Variants in CDH23 observed in about 807,000 individuals in gnomAD.
CDH23 encodes the protein cadherin-23.
Under a neutral mutation model 317.1 loss-of-function variants are expected in CDH23, and 189 were observed. That is an observed-to-expected ratio of 0.60 (90% CI 0.53 to 0.67). The LOEUF (loss-of-function observed/expected upper bound fraction) is 0.67, where lower values mean the gene tolerates loss of function less well. Among genes scored for constraint, CDH23 ranks in the 30% least tolerant of loss-of-function variants. CDH23 has a pLI of 0.00. For missense variants in CDH23, 4,401 were observed against 4,592.4 expected (o/e 0.96, Z 1.20); for synonymous variants, 1,839 against 1,876.8 (o/e 0.98, Z 0.52).
intron 38 of CDH23, among the ~76,000 whole-genome samples, chr10:71,767,220 G>A (rs74145648): frequency 0.04 from 6,077 of 152,308 alleles, 290 homozygotes; most frequent in African/African-American, 0.1. Flanking sequence ...AGCAGGCCCC[G>A]GGTGACCCCT....
intron 23 of CDH23, 72 bp from the exon 24 acceptor site, chr10:71,702,477 C>G: frequency 1.3e-6 from 2 of 1,587,666 alleles, no homozygotes; most frequent in Non-Finnish European, 1.7e-6. Flanking sequence ...CACCACTTGC[C>G]TTCTTCCTGT....
At chr10:71,579,011 C>T (rs1205894107) in intron 9 of CDH23, among the ~76,000 whole-genome samples, 2 of 152,150 alleles carry the variant, frequency 1.3e-5, no homozygotes, top group Non-Finnish European at 2.9e-5. Context: ...CCCTGTCCCT[C>T]AATTTGCCTG....
intron 24 of CDH23, among the ~76,000 whole-genome samples, chr10:71,703,373 T>A (rs1865663352): frequency 6.6e-6 from 1 of 152,210 alleles, no homozygotes; most frequent in Non-Finnish European, 1.5e-5. Context: ...GAATCCCATC[T>A]CCAGCACCAG....
chr10:71,528,440 G>C (rs527569729), intron 6 of CDH23, among the ~76,000 whole-genome samples: 40 of 152,364 alleles, frequency 2.6e-4, no homozygotes, highest in African/African-American at 8.9e-4. Context: ...CTCACCCAGA[G>C]GGCTGAGCAG....
At chr10:71,415,558 T>C (rs998719647) in intron 1 of CDH23, among the ~76,000 whole-genome samples, 5 of 152,250 alleles carry the variant, frequency 3.3e-5, no homozygotes, top group African/African-American at 1.2e-4. Context: ...TCAGTTTTAA[T>C]TTACTTCTTA....
chr10:71,397,669 T>C lies in CDH23; in HGVS notation c.-6+351T>C, dbSNP rs1180725338. Among the ~76,000 whole-genome samples, 3 of 152,062 alleles carry C rather than the reference T, an allele frequency of 2.0e-5. No individual in the cohort carries two copies. In the East Asian group the frequency reaches 5.8e-4, roughly 30 times the overall value. Reference sequence around the variant, plus strand: ...CGGCGCTACGGAGAGGGTCCAGGTCTGGGGTGGAGAGATTTTCGAGAGTGG... The same window carrying C: ...CGGCGCTACGGAGAGGGTCCAGGTCCGGGGTGGAGAGATTTTCGAGAGTGG... On this transcript the variant is annotated intron_variant, in intron 1 of 69. Coordinates refer to ENST00000224721, the MANE Select transcript of CDH23 (RefSeq NM_022124.6). This position sits in a 1 kb window ranked among gnomAD's most constrained non-coding sequence, Gnocchi z 4.8.
At chr10:71,464,150 G>A (rs1470987161) in intron 3 of CDH23, among the ~76,000 whole-genome samples, 2 of 152,172 alleles carry the variant, frequency 1.3e-5, no homozygotes, top group African/African-American at 2.4e-5. Context: ...TCTGGCACCA[G>A]CACCCATCCT....
At chr10:71,677,753 C>A (rs1209130119) in intron 16 of CDH23, 60 bp downstream of exon 16, 9 of 1,368,088 alleles carry the variant, frequency 6.6e-6, no homozygotes, top group Non-Finnish European at 9.1e-6. Context: ...CCTGTACTTG[C>A]TTGCTTGCTT....
intron 34 of CDH23, chr10:71,737,887 A>G: frequency 4.5e-6 from 2 of 446,542 alleles, no homozygotes; most frequent in South Asian, 1.6e-5. Context: ...TTTATTTGAC[A>G]GTCAGAAATT....
At chr10:71,614,848 G>A (rs571130131) in intron 9 of CDH23, among the ~76,000 whole-genome samples, 1 of 152,312 alleles carries the variant, frequency 6.6e-6, no homozygotes, top group South Asian at 2.1e-4. Context: ...GGTGGCAGAG[G>A]GAGAGGGGTG....
In CDH23 at chr10:71,810,705, G is replaced by A. The variant is rs1841889364; in HGVS notation, c.9077+136G>A. ...ACTGTGTGGGGCCATCTCCCAGACT[G>A]GGGCAGGGCTAGGAGAGAGAGCAGA... On this transcript the variant is annotated intron_variant, in intron 62 of 69. Coordinates refer to ENST00000224721, the MANE Select transcript of CDH23 (RefSeq NM_022124.6). The A allele has an allele frequency of 5.1e-6, 4 of 778,710 alleles. No homozygotes were observed. In the South Asian group the frequency reaches 6.7e-5, roughly 13 times the overall value. 48.2% of individuals were successfully genotyped at this position (778,710 alleles called of 1,614,324 possible). A position where few individuals can be genotyped will look rare whatever the true frequency, so the allele number is the denominator to read the frequency against.
chr10:71,547,986 A>T (rs1856378022), intron 6 of CDH23, among the ~76,000 whole-genome samples: 1 of 152,340 alleles, frequency 6.6e-6, no homozygotes, highest in East Asian at 1.9e-4. Context: ...GGGTAGGGTC[A>T]GTCGGAGGCT....
intron 14 of CDH23, 58 bp from the exon 15 acceptor site, chr10:71,675,054 T>C: frequency 6.7e-7 from 1 of 1,502,770 alleles, no homozygotes; most frequent in South Asian, 1.1e-5. Context: ...GGGTTTCCTG[T>C]GGACCTGAAG....
At chr10:71,650,361 A>G (rs1564710110) in intron 14 of CDH23, among the ~76,000 whole-genome samples, 1 of 152,222 alleles carries the variant, frequency 6.6e-6, no homozygotes, top group Non-Finnish European at 1.5e-5. Context: ...TTCAGGATGA[A>G]TGTGCTCTGA....
intron 6 of CDH23, among the ~76,000 whole-genome samples, chr10:71,537,400 C>A (rs1034753505): frequency 1.3e-5 from 2 of 152,188 alleles, no homozygotes; most frequent in African/African-American, 4.8e-5. Flanking sequence ...CGTTTGCTAG[C>A]AGAATGTCAC....
intron 6 of CDH23, among the ~76,000 whole-genome samples, chr10:71,542,713 A>G (rs1191114399): frequency 1.3e-5 from 2 of 152,328 alleles, no homozygotes; most frequent in Non-Finnish European, 2.9e-5. Context: ...TCCTGCCTCC[A>G]CAGCCTGGTG....
In CDH23 at chr10:71,410,139, C is replaced by G. The variant is rs990349489; in HGVS notation, c.-6+12821C>G. Among the ~76,000 whole-genome samples, 5 of 152,206 alleles carry G rather than the reference C, an allele frequency of 3.3e-5. No homozygotes were observed. In the South Asian group the frequency reaches 1.0e-3, roughly 32 times the overall value. On this transcript the variant is annotated intron_variant, in intron 1 of 69. Coordinates refer to ENST00000224721, the MANE Select transcript of CDH23 (RefSeq NM_022124.6). ...AAAATGAGAATAATAGTACCCAATT[C>G]AAAGGGTTATTGGGAGGATTAAATG...
intron 6 of CDH23, among the ~76,000 whole-genome samples, chr10:71,556,518 T>A (rs1475204925): frequency 1.3e-5 from 2 of 151,950 alleles, no homozygotes; most frequent in Non-Finnish European, 2.9e-5. Context: ...GGAGAATTGC[T>A]TGAACCTGGG....
chr10:71,694,890 C>T lies in CDH23; in HGVS notation c.2290-528C>T, dbSNP rs1437208539. Among the ~76,000 whole-genome samples the T allele has an allele frequency of 3.9e-5, 6 of 152,218 alleles. No homozygotes were observed. Among genetic ancestry groups the T allele is most frequent in the Admixed American group, 6.5e-5 (1 of 15,292 alleles). Reference sequence around the variant, plus strand: ...GTGGCCCTCACCCAGTCTGCAGCAGCCACCCCATCCTTACCCAGCCAGAGA... The same window carrying T: ...GTGGCCCTCACCCAGTCTGCAGCAGTCACCCCATCCTTACCCAGCCAGAGA... On this transcript the variant is annotated intron_variant, in intron 21 of 69. Transcript: ENST00000224721.
Sources: allele counts gnomAD v4.1 joint callset (sites outside exome capture counted in the v4.1 genomes callset), GRCh38; gene constraint gnomAD v4.1.1; non-coding constraint Gnocchi (gnomAD v3.1); transcripts MANE v1.5; gene names NCBI Gene and HGNC (gene_info 2026-07-23, HGNC 2026-07-21).